Variants in FANCA observed in about 807,000 individuals in gnomAD.
FANCA encodes Fanconi anemia group A protein.
In FANCA, 236 loss-of-function variants were observed where a neutral mutation model predicts 194.3. The observed-to-expected ratio is 1.21, with a 90% confidence interval of 1.09 to 1.35. The LOEUF (loss-of-function observed/expected upper bound fraction) is 1.35. Ranked by LOEUF, FANCA falls within the 40% of genes most tolerant of loss-of-function variation. FANCA has a pLI of 0.00. For synonymous variants in FANCA, 1,014 were observed against 715.8 expected (o/e 1.42, Z -6.65); for missense variants, 2,628 against 1,813.9 (o/e 1.45, Z -8.15).
intron 1 of FANCA, 78 bp downstream of exon 1, chr16:89,816,459 C>A (rs936869161): frequency 1.5e-6 from 2 of 1,304,352 alleles, no homozygotes; most frequent in Non-Finnish European, 1.0e-6. Context: ...GAGGCTCTGG[C>A]GGGAAGGGAT....
At chr16:89,791,336 C>A in intron 14 of FANCA, 67 bp downstream of exon 14, 1 of 1,577,178 alleles carries the variant, frequency 6.3e-7, no homozygotes, top group Non-Finnish European at 8.6e-7. Context: ...GTGGGGACAG[C>A]ATGGTCCCCA....
Position 89,790,459 on chromosome 16 carries a change from G to A in FANCA, c.1359+944C>T, listed in dbSNP as rs951669420. Among the ~76,000 whole-genome samples the A allele has an allele frequency of 6.6e-5, 10 of 151,878 alleles. No homozygotes were observed. The South Asian group carries it at 8.3e-4, about 13-fold the overall frequency. On this transcript the variant is annotated intron_variant, in intron 14 of 42. Transcript: ENST00000389301. Reference sequence around the variant, plus strand: ...TAAATAAAAAGGAAAGGCCAGGTGCGCTGGCTCATGCCTGTAATCCCAGCA... The same window carrying A: ...TAAATAAAAAGGAAAGGCCAGGTGCACTGGCTCATGCCTGTAATCCCAGCA...
intron 38 of FANCA, 188 bp downstream of exon 38, chr16:89,740,616 A>T: frequency 3.3e-6 from 2 of 605,572 alleles, no homozygotes; most frequent in Non-Finnish European, 5.9e-6. Flanking sequence ...AGCCTGGGTG[A>T]CAGAGTGAGA....
intron 27 of FANCA, among the ~76,000 whole-genome samples, chr16:89,765,299 C>T (rs1159824435): frequency 1.3e-5 from 2 of 151,926 alleles, no homozygotes; most frequent in South Asian, 2.1e-4. Flanking sequence ...GACCTCAGTC[C>T]AGCCCTTGGG....
intron 14 of FANCA, chr16:89,791,174 G>A (rs1420915947): frequency 1.7e-6 from 1 of 599,064 alleles, no homozygotes; most frequent in South Asian, 2.0e-5. Context: ...CCCCGACAGG[G>A]AGAACCCAGG....
At chr16:89,756,483 G>T (rs779931565) in intron 30 of FANCA, among the ~76,000 whole-genome samples, 39 of 152,266 alleles carry the variant, frequency 2.6e-4, no homozygotes, top group Non-Finnish European at 5.1e-4. Flanking sequence ...ACAAAAATTT[G>T]CCAGGTATGG....
chr16:89,770,102 A>G (rs2143334696), intron 25 of FANCA, 64 bp downstream of exon 25: 1 of 1,574,094 alleles, frequency 6.4e-7, no homozygotes, highest in South Asian at 1.2e-5. Flanking sequence ...AGACGAATTG[A>G]GAAGTAGCAG....
chr16:89,813,381 C>G (rs920963166), intron 3 of FANCA, among the ~76,000 whole-genome samples: 2 of 150,326 alleles, frequency 1.3e-5, no homozygotes, highest in African/African-American at 4.9e-5. Flanking sequence ...GCTCTCCAGT[C>G]CAGGCAACAG....
At chr16:89,751,637 C>T (rs1392667487) in intron 31 of FANCA, among the ~76,000 whole-genome samples, 2 of 152,090 alleles carry the variant, frequency 1.3e-5, no homozygotes, top group African/African-American at 2.4e-5. Context: ...GGGTGGCCAG[C>T]ACCAGTAAAT....
chr16:89,814,393 G>T (rs187485156), intron 3 of FANCA, 127 bp downstream of exon 3: 2 of 667,220 alleles, frequency 3.0e-6, no homozygotes, highest in Non-Finnish European at 5.1e-6. Flanking sequence ...TAGAATTTGC[G>T]ACTACACACA....
At chr16:89,748,557 C>T (rs1598074262) in intron 33 of FANCA, 102 bp downstream of exon 33, 2 of 930,382 alleles carry the variant, frequency 2.1e-6, no homozygotes, top group South Asian at 1.4e-5. Flanking sequence ...ACCCTTTCCT[C>T]AGTAATTCAC....
chr16:89,739,806 G>T, intron 39 of FANCA, 188 bp downstream of exon 39: 1 of 1,465,134 alleles, frequency 6.8e-7, no homozygotes, highest in Non-Finnish European at 9.0e-7. Flanking sequence ...TGGTCCTGGG[G>T]TTGACCAGTG....
intron 28 of FANCA, among the ~76,000 whole-genome samples, chr16:89,763,663 G>C (rs1567613498): frequency 6.6e-6 from 1 of 152,160 alleles, no homozygotes; most frequent in Non-Finnish European, 1.5e-5. Context: ...CAGGGGCCGA[G>C]CGCAGTGGCT....
Position 89,740,863 on chromosome 16 carries a change from A to G in FANCA, c.3769T>C (p.Leu1257=). 6.2e-7 allele frequency: 1 copy of G among 1,612,222 alleles called. No homozygotes were observed. The highest frequency in any genetic ancestry group is 8.5e-7 in the Non-Finnish European group (1 of 1,178,814). ...AAGGAGAAGAAGAAAAGGAAAACCA[A>G]TAGCTGTAAATAAAAACGTGCACTT... The part of the protein sequence containing the change: ...KKLDCEREEL[L]VFLFFFSLMG... Residue 1257 remains leucine (L), a synonymous_variant, in exon 38 of 43, where the codon TTG becomes CTG. Transcript: ENST00000389301.
At chr16:89,783,507 C>G (rs1434453378) in intron 15 of FANCA, among the ~76,000 whole-genome samples, 3 of 150,866 alleles carry the variant, frequency 2.0e-5, no homozygotes, top group Admixed American at 2.0e-4. Flanking sequence ...GCCGAGATCG[C>G]GCCACTGCAC....
At chr16:89,754,779 G>A (rs2038714483) in intron 30 of FANCA, among the ~76,000 whole-genome samples, 3 of 152,144 alleles carry the variant, frequency 2.0e-5, no homozygotes, top group African/African-American at 4.8e-5. Flanking sequence ...GTTTCTATAC[G>A]TTAGCAACAA....
At chr16:89,790,798 T>G (rs1329836383) in intron 14 of FANCA, among the ~76,000 whole-genome samples, 2 of 151,882 alleles carry the variant, frequency 1.3e-5, no homozygotes, top group Non-Finnish European at 2.9e-5. Context: ...CAGCATCCAC[T>G]TCTGTGTCCC....
chr16:89,790,183 C>G (rs1475425417), intron 14 of FANCA, among the ~76,000 whole-genome samples: 1 of 151,580 alleles, frequency 6.6e-6, no homozygotes, highest in Non-Finnish European at 1.5e-5. Flanking sequence ...AGGCGGACCA[C>G]TTAAGGTCAG....
At chr16:89,794,437 C>G (rs977235964) in intron 11 of FANCA, among the ~76,000 whole-genome samples, 2 of 150,766 alleles carry the variant, frequency 1.3e-5, no homozygotes, top group East Asian at 3.9e-4. Context: ...GTAATTCAAG[C>G]TTGGCAGGGA....
Sources: gnomAD v4.1 joint callset for allele counts (sites outside exome capture counted in the v4.1 genomes callset) on GRCh38, gnomAD v4.1.1 for gene constraint, MANE v1.5 for transcripts, NCBI Gene and HGNC (gene_info 2026-07-23, HGNC 2026-07-21) for gene names.